PPARGC1B: variants seen among roughly 807,000 people sequenced by gnomAD.
The protein encoded by PPARGC1B is peroxisome proliferator-activated receptor gamma coactivator 1-beta.
In PPARGC1B, 34 loss-of-function variants were observed where a neutral mutation model predicts 101.6. The ratio of observed to expected loss-of-function variants is 0.33; its 90% CI spans 0.25 to 0.45. PPARGC1B has a LOEUF of 0.45. PPARGC1B is among the 20% of genes least tolerant of loss of function. PPARGC1B has a pLI of 1.00. For synonymous variants in PPARGC1B, 548 were observed against 539.3 expected (o/e 1.02, Z -0.22); for missense variants, 1,234 against 1,317.6 (o/e 0.94, Z 0.98).
intron 1 of PPARGC1B, among the ~76,000 whole-genome samples, chr5:149,731,961 G>A (rs1462044895): frequency 6.6e-6 from 1 of 152,162 alleles, no homozygotes; most frequent in Non-Finnish European, 1.5e-5. Flanking sequence ...GGGTGGGTTC[G>A]CGGCAGAGGC....
chr5:149,748,478 G>A (rs946336933), intron 1 of PPARGC1B, among the ~76,000 whole-genome samples: 26 of 152,262 alleles, frequency 1.7e-4, no homozygotes, highest in African/African-American at 3.6e-4. Flanking sequence ...GGAGGAAGCC[G>A]TGCAGCAGTC....
chr5:149,739,434 G>A (rs993544238), intron 1 of PPARGC1B, among the ~76,000 whole-genome samples: 2 of 152,212 alleles, frequency 1.3e-5, no homozygotes, highest in African/African-American at 4.8e-5. Flanking sequence ...GCTTACCTGG[G>A]ATTTGAACCT....
At chr5:149,804,221 A>C (rs983658153) in intron 1 of PPARGC1B, among the ~76,000 whole-genome samples, 1 of 151,998 alleles carries the variant, frequency 6.6e-6, no homozygotes, top group African/African-American at 2.4e-5. Flanking sequence ...CTGCGCCTCC[A>C]CCCCACACCC....
chr5:149,751,013 CACAG>C (rs1240320998), intron 1 of PPARGC1B, among the ~76,000 whole-genome samples: 16 of 145,240 alleles, frequency 1.1e-4, no homozygotes, highest in African/African-American at 1.8e-4. Context: ...TTTACTATAA[CACAG>C]ACAGTTGTTT....
At position 149,772,161 on chromosome 5, in the gene PPARGC1B, G is replaced by T. The variant is rs573518784; in HGVS notation, c.78+41741G>T. On this transcript the variant is annotated intron_variant, in intron 1 of 11. Transcript: ENST00000309241. ...AATGGTAGGTGTTGGGCCAGAGGTT[G>T]TTTAGGTGGCGTTGGTGGTGAAGGC... 3.7e-6 allele frequency: 6 copies of T among 1,608,088 alleles called. No individual in the cohort carries two copies. In the South Asian group the frequency reaches 6.7e-5, roughly 18 times the overall value.
chr5:149,766,667 T>C (rs150482624), intron 1 of PPARGC1B, among the ~76,000 whole-genome samples: 1 of 152,360 alleles, frequency 6.6e-6, no homozygotes, highest in East Asian at 1.9e-4. Flanking sequence ...CCATAGGGCC[T>C]GGGATTATAC....
At chr5:149,738,287 C>T (rs766221017) in intron 1 of PPARGC1B, among the ~76,000 whole-genome samples, 1 of 152,124 alleles carries the variant, frequency 6.6e-6, no homozygotes, top group South Asian at 2.1e-4. Context: ...GGACGTTAAG[C>T]TCCACAAAGG....
In PPARGC1B at chr5:149,785,901, C is replaced by G. The variant is rs145771017; in HGVS notation, c.79-34532C>G. On this transcript the variant is annotated intron_variant, in intron 1 of 11. Transcript: ENST00000309241. ...AGTGAAGGCAAGCTGAGGGCTGAAC[C>G]CCTGACACTCATTCTTTTTTTTTTT... 3.5e-3 allele frequency among the ~76,000 whole-genome samples: 531 copies of G among 151,262 alleles called. 2 individuals carry two copies. Among genetic ancestry groups the G allele is most frequent in the African/African-American group, 0.013 (516 of 41,202 alleles).
rs762505964 is a variant in PPARGC1B, at chr5:149,832,733, C to T, written c.660C>T (p.Leu220=). The T allele has an allele frequency of 1.2e-4, 194 of 1,606,944 alleles. No homozygotes were observed. The highest frequency in any genetic ancestry group is 5.0e-4 in the Middle Eastern group (3 of 6,056). Residue 220 remains leucine, a synonymous_variant, in exon 5 of 12, where the codon CTC becomes CTT. Transcript: ENST00000309241. The surrounding 1 kb of genome is among the most constrained non-coding windows in gnomAD (Gnocchi z 4.9). ...SRSCTELHKH[L]TSAQCCLQDR... is the part of the protein sequence containing the mutation. ...GTTGTACAGAACTACATAAGCACCT[C>T]ACCTCGGCACAGTGCTGCCTGCAGG... is the stretch of plus-strand genomic sequence containing the variant.
chr5:149,739,679 C>T (rs141772076), intron 1 of PPARGC1B, among the ~76,000 whole-genome samples: 67 of 152,240 alleles, frequency 4.4e-4, no homozygotes, highest in African/African-American at 1.6e-3. Context: ...ACACCATTGC[C>T]CTGAGTGGCT....
intron 1 of PPARGC1B, among the ~76,000 whole-genome samples, chr5:149,811,593 G>A (rs1757869101): frequency 6.6e-6 from 1 of 152,192 alleles, no homozygotes; most frequent in South Asian, 2.1e-4. Flanking sequence ...TTAGGCATTA[G>A]TAAAGGGTGT....
intron 1 of PPARGC1B, among the ~76,000 whole-genome samples, chr5:149,787,515 CTA>C (rs1330181758): frequency 6.6e-6 from 1 of 152,222 alleles, no homozygotes; most frequent in East Asian, 1.9e-4. Context: ...TTGCCGGTGT[CTA>C]TTGTCACACA....
At position 149,854,502 on chromosome 5, in the gene PPARGC1B, T is replaced by C. The variant is rs1759890308; in HGVS notation, c.*6944T>C. ...GTTATTTATAATAGAAAGCTAAATT[T>C]TAATTTTTTAAAGGACACTGCTAAT... On this transcript the variant is annotated 3_prime_UTR_variant, in exon 12 of 12. Transcript: ENST00000309241. 1 of 152,224 alleles carries C rather than the reference T, an allele frequency of 6.6e-6. No homozygotes were observed. Among genetic ancestry groups the C allele is most frequent in the Non-Finnish European group, 1.5e-5 (1 of 68,042 alleles). 9.4% of individuals were successfully genotyped at this position (152,224 alleles called of 1,614,324 possible).
chr5:149,743,195 G>A (rs1410197173), intron 1 of PPARGC1B, among the ~76,000 whole-genome samples: 7 of 143,186 alleles, frequency 4.9e-5, no homozygotes, highest in Non-Finnish European at 9.0e-5. Flanking sequence ...TCGCTCTGTC[G>A]CCCAGGCTGG....
chr5:149,804,632 T>G (rs1223096744), intron 1 of PPARGC1B, among the ~76,000 whole-genome samples: 2 of 152,150 alleles, frequency 1.3e-5, no homozygotes, highest in Non-Finnish European at 2.9e-5. Flanking sequence ...CTCACACCGC[T>G]GCACTCCAGC....
Position 149,785,387 on chromosome 5 carries a change from A to G in PPARGC1B, c.79-35046A>G, listed in dbSNP as rs151102680. Among the ~76,000 whole-genome samples, 338 of 152,264 alleles carry G rather than the reference A, an allele frequency of 2.2e-3. 3 individuals are homozygous for G. The South Asian group carries it at 0.03, about 13-fold the overall frequency. Reference sequence around the variant, plus strand: ...GAACCTTGGTTTTTGTCATCTGTAAAGAGGGATGCTTCTTGCAGAACTGGG... The same window carrying G: ...GAACCTTGGTTTTTGTCATCTGTAAGGAGGGATGCTTCTTGCAGAACTGGG... On this transcript the variant is annotated intron_variant, in intron 1 of 11. Transcript: ENST00000309241.
intron 7 of PPARGC1B, among the ~76,000 whole-genome samples, chr5:149,835,920 C>T (rs971836692): frequency 9.3e-5 from 14 of 150,716 alleles, no homozygotes; most frequent in Non-Finnish European, 2.1e-4. Flanking sequence ...GGCACTTGGC[C>T]ATTTTATTGC....
chr5:149,785,344 G>A (rs1338019993), intron 1 of PPARGC1B, among the ~76,000 whole-genome samples: 2 of 152,194 alleles, frequency 1.3e-5, no homozygotes, highest in African/African-American at 2.4e-5. Flanking sequence ...CATTGGCCGG[G>A]TGATCTTGGG....
In PPARGC1B at chr5:149,853,803, G is replaced by C. The variant is rs1468926655; in HGVS notation, c.*6245G>C. On this transcript the variant is annotated 3_prime_UTR_variant, in exon 12 of 12. Coordinates refer to ENST00000309241, the MANE Select transcript of PPARGC1B (RefSeq NM_133263.4). This position sits in a 1 kb window ranked among gnomAD's most constrained non-coding sequence, Gnocchi z 4.2. ...GAAATCTCAAGGGGAGCGTGGACAA[G>C]GTGGTATGTGCAGCAGGGGAATAGA... 6.6e-6 allele frequency: 1 copy of C among 152,224 alleles called. No homozygotes were observed. The highest frequency in any genetic ancestry group is 1.5e-5 in the Non-Finnish European group (1 of 68,042). 9.4% of individuals were successfully genotyped at this position (152,224 alleles called of 1,614,324 possible).
Sources: gnomAD v4.1 joint callset for allele counts (sites outside exome capture counted in the v4.1 genomes callset) on GRCh38, gnomAD v4.1.1 for gene constraint, Gnocchi (gnomAD v3.1) non-coding constraint, MANE v1.5 for transcripts, NCBI Gene and HGNC (gene_info 2026-07-23, HGNC 2026-07-21) for gene names.